The following CHMP2B variants were observed in gnomAD, a reference collection of about 807,000 sequenced individuals.
CHMP2B encodes the protein charged multivesicular body protein 2B.
CHMP2B carries 22 observed loss-of-function variants against 29.8 expected under a neutral mutation model. The ratio of observed to expected loss-of-function variants is 0.74; its 90% CI spans 0.53 to 1.05. CHMP2B has a LOEUF of 1.05. Among genes scored for constraint, CHMP2B ranks in the 50% least tolerant of loss-of-function variants. The pLI is 0.00. For synonymous variants in CHMP2B, 78 were observed against 75.8 expected (o/e 1.03, Z -0.15); for missense variants, 261 against 252.2 (o/e 1.03, Z -0.24).
intron 1 of CHMP2B, among the ~76,000 whole-genome samples, chr3:87,228,328 G>A (rs888453112): frequency 6.6e-6 from 1 of 152,190 alleles, no homozygotes; most frequent in African/African-American, 2.4e-5. Flanking sequence ...TGCCTATAAT[G>A]TGTTTATATA....
chr3:87,232,911 C>T (rs965762771), intron 1 of CHMP2B, among the ~76,000 whole-genome samples: 3 of 152,146 alleles, frequency 2.0e-5, no homozygotes, highest in African/African-American at 7.2e-5. Flanking sequence ...AAACCAGTGG[C>T]ATTTTTATGT....
chr3:87,231,927 G>T (rs1485605466), intron 1 of CHMP2B, among the ~76,000 whole-genome samples: 1 of 152,080 alleles, frequency 6.6e-6, no homozygotes, highest in Non-Finnish European at 1.5e-5. Flanking sequence ...TTCAAAGTTG[G>T]ATAATGCTTA....
chr3:87,243,151 TC>T (rs1706151653), intron 2 of CHMP2B, among the ~76,000 whole-genome samples: 1 of 152,196 alleles, frequency 6.6e-6, no homozygotes, highest in South Asian at 2.1e-4. Context: ...TCTTCAACTT[TC>T]CTCAGCAGTG....
At chr3:87,252,788 A>G (rs779656599) in intron 4 of CHMP2B, among the ~76,000 whole-genome samples, 174 of 152,068 alleles carry the variant, frequency 1.1e-3, no homozygotes, top group Non-Finnish European at 1.0e-3. Context: ...TTGCTTCCCC[A>G]CAACTCAACA....
intron 1 of CHMP2B, among the ~76,000 whole-genome samples, chr3:87,230,456 T>G (rs753674249): frequency 4.1e-4 from 62 of 152,208 alleles, no homozygotes; most frequent in Non-Finnish European, 6.2e-4. Context: ...TACTTTTTTC[T>G]TATTAGAGAT....
Position 87,253,426 on chromosome 3 carries a change from C to T in CHMP2B, c.447C>T (p.Ile149=). Residue 149 remains isoleucine, a synonymous_variant, in exon 5 of 6, where the codon ATC becomes ATT. Coordinates refer to ENST00000263780, the MANE Select transcript of CHMP2B (RefSeq NM_014043.4). ...TAGTCAATGATACACTTGATGACAT[C>T]TTTGACGGTTCTGATGACGAAGAAG... ...EEMINDTLDD[I]FDGSDDEEES... 1 of 1,609,902 alleles carries T rather than the reference C, an allele frequency of 6.2e-7. No individual in the cohort carries two copies. Among genetic ancestry groups the T allele is most frequent in the Non-Finnish European group, 8.5e-7 (1 of 1,176,462 alleles).
intron 4 of CHMP2B, among the ~76,000 whole-genome samples, chr3:87,251,047 A>G (rs1400518327): frequency 6.6e-5 from 10 of 151,968 alleles, no homozygotes; most frequent in African/African-American, 2.4e-4. Flanking sequence ...CTATGTAGGG[A>G]TATACCAGTT....
chr3:87,229,422 A>G lies in CHMP2B; in HGVS notation c.34+1866A>G, dbSNP rs540410714. Among the ~76,000 whole-genome samples the G allele has an allele frequency of 9.4e-4, 143 of 152,270 alleles. 1 individual carries two copies. Among genetic ancestry groups the G allele is most frequent in the African/African-American group, 3.2e-3 (135 of 41,560 alleles). ...AATTTGGCCAGCAGGTACATTTACT[A>G]TAAACTACCAAGATGCATACTTGAT... On this transcript the variant is annotated intron_variant, in intron 1 of 5. Coordinates refer to ENST00000263780, the MANE Select transcript of CHMP2B (RefSeq NM_014043.4).
chr3:87,229,946 T>C (rs1299974035), intron 1 of CHMP2B, among the ~76,000 whole-genome samples: 10 of 152,208 alleles, frequency 6.6e-5, no homozygotes, highest in Non-Finnish European at 1.3e-4. Flanking sequence ...CTCTGCGGTG[T>C]ATACTTTGCT....
intron 3 of CHMP2B, among the ~76,000 whole-genome samples, chr3:87,248,017 G>A (rs556119351): frequency 8.5e-5 from 13 of 152,064 alleles, no homozygotes; most frequent in Non-Finnish European, 1.9e-4. Context: ...CAAGCCTCAA[G>A]CCGGGCATGG....
chr3:87,229,350 T>C (rs1029390905), intron 1 of CHMP2B, among the ~76,000 whole-genome samples: 8 of 152,226 alleles, frequency 5.3e-5, no homozygotes, highest in African/African-American at 1.9e-4. Context: ...GGACTCTTGC[T>C]AGGAACTATG....
chr3:87,242,932 C>A (rs1454709279), intron 2 of CHMP2B, among the ~76,000 whole-genome samples: 6 of 151,912 alleles, frequency 3.9e-5, no homozygotes, highest in Non-Finnish European at 8.8e-5. Flanking sequence ...CTTTGCATTT[C>A]TATAGGAACT....
rs954392543 is a variant in CHMP2B at position 87,254,083 on chromosome 3, G to A, written c.*261G>A. 1 of 353,814 alleles carries A rather than the reference G, an allele frequency of 2.8e-6. No individual in the cohort carries two copies. The highest frequency in any genetic ancestry group is 4.2e-5 in the Admixed American group (1 of 23,702). The allele number at this position is 353,814 out of a possible 1,614,324, so 21.9% of individuals were successfully genotyped here. On this transcript the variant is annotated 3_prime_UTR_variant, in exon 6 of 6. Transcript: ENST00000263780. ...AAAAAGTTGACTTCTCTTTTGCATG[G>A]CACAGAGAAATTATATTCCTTACTT... is the stretch of plus-strand genomic sequence containing the variant.
At chr3:87,233,891 T>A (rs1238046224) in intron 1 of CHMP2B, among the ~76,000 whole-genome samples, 10 of 152,170 alleles carry the variant, frequency 6.6e-5, no homozygotes. Flanking sequence ...CTTATTAGAT[T>A]AAAAAGTCTG....
intron 4 of CHMP2B, chr3:87,253,172 G>A (rs1706346736): frequency 4.7e-6 from 2 of 425,904 alleles, no homozygotes; most frequent in Non-Finnish European, 8.6e-6. Context: ...AAAAAGAGTA[G>A]ACTTGTTTGC....
intron 4 of CHMP2B, among the ~76,000 whole-genome samples, chr3:87,251,211 G>C (rs1318845587): frequency 6.6e-6 from 1 of 151,740 alleles, no homozygotes; most frequent in African/African-American, 2.4e-5. Flanking sequence ...TAATAATACT[G>C]TATGTTTATC....
intron 1 of CHMP2B, 33 bp downstream of exon 1, chr3:87,227,589 T>C: frequency 1.2e-6 from 2 of 1,613,868 alleles, no homozygotes; most frequent in Non-Finnish European, 1.7e-6. Flanking sequence ...GGGGCCCAGC[T>C]CTGCGTTTTC....
At position 87,249,572 on chromosome 3, in the gene CHMP2B, AT is replaced by A. The variant is rs66992386; in HGVS notation, c.322-299del. Among the ~76,000 whole-genome samples, 20,932 of 151,956 alleles carry A rather than the reference AT, an allele frequency of 0.14. 1,543 individuals are homozygous for A. The highest frequency in any genetic ancestry group is 0.21 in the South Asian group (989 of 4,818). On this transcript the variant is annotated intron_variant, in intron 3 of 5. Coordinates refer to ENST00000263780, the MANE Select transcript of CHMP2B (RefSeq NM_014043.4). ...ACCTACTTGCCACAAAAACAGGTAAATTTTATTTTCCTATTTGAATAGCAAA... is the reference window on the plus strand; with the variant it reads ...ACCTACTTGCCACAAAAACAGGTAAATTTATTTTCCTATTTGAATAGCAAA...
chr3:87,249,933 A>G lies in CHMP2B; in HGVS notation c.380A>G (p.Asn127Ser). The part of the protein sequence containing the change: ...DPQKTLQTMQ[N>S]FQKENMKMEM... ...CAAAAGACATTACAAACAATGCAGA[A>G]TTTCCAGAAGGAAAACATGAAAATG... Residue 127 changes from asparagine to serine, a missense_variant, in exon 4 of 6, where the codon AAT becomes AGT. Physicochemically the swap from Asn to Ser is conservative, Grantham distance 46. Transcript: ENST00000263780. 6.2e-7 allele frequency: 1 copy of G among 1,606,092 alleles called. No homozygotes were observed. The highest frequency in any genetic ancestry group is 8.5e-7 in the Non-Finnish European group (1 of 1,174,620).
Sources: gnomAD v4.1 joint callset for allele counts (sites outside exome capture counted in the v4.1 genomes callset) on GRCh38, gnomAD v4.1.1 for gene constraint, MANE v1.5 for transcripts, NCBI Gene and HGNC (gene_info 2026-07-23, HGNC 2026-07-21) for gene names.